The following CCDC148 variants were observed in gnomAD, a reference collection of about 807,000 sequenced individuals.
CCDC148 encodes the protein coiled-coil domain-containing protein 148.
CCDC148 carries 89 observed loss-of-function variants against 85.7 expected under a neutral mutation model. The ratio of observed to expected loss-of-function variants is 1.04; its 90% CI spans 0.87 to 1.24. CCDC148 has a LOEUF of 1.24. Ranked by LOEUF, CCDC148 falls within the 50% of genes most tolerant of loss-of-function variation. CCDC148 has a pLI of 0.00. For synonymous variants in CCDC148, 230 were observed against 213.9 expected (o/e 1.08, Z -0.66); for missense variants, 692 against 671.7 (o/e 1.03, Z -0.33).
At chr2:158,223,439 A>C (rs957155062) in intron 10 of CCDC148, among the ~76,000 whole-genome samples, 1 of 152,194 alleles carries the variant, frequency 6.6e-6, no homozygotes, top group Admixed American at 6.5e-5. Flanking sequence ...CTGCAGACTT[A>C]AATGTCCCTG....
chr2:158,185,950 A>T (rs2105267998), intron 11 of CCDC148, among the ~76,000 whole-genome samples: 1 of 152,154 alleles, frequency 6.6e-6, no homozygotes, highest in East Asian at 1.9e-4. Context: ...TACTTCCTCC[A>T]CTGGAACACT....
intron 1 of CCDC148, among the ~76,000 whole-genome samples, chr2:158,404,557 C>G (rs997224362): frequency 4.6e-5 from 7 of 152,126 alleles, no homozygotes; most frequent in Non-Finnish European, 1.0e-4. Flanking sequence ...TCACTTTTTA[C>G]AAGACTTTAA....
Position 158,278,483 on chromosome 2 carries a change from C to T in CCDC148, c.1111-27571G>A, listed in dbSNP as rs13414044. Among the ~76,000 whole-genome samples, 885 of 152,300 alleles carry T rather than the reference C, an allele frequency of 5.8e-3. 5 individuals carry two copies. Among genetic ancestry groups the T allele is most frequent in the Non-Finnish European group, 9.6e-3 (651 of 68,012 alleles). On this transcript the variant is annotated intron_variant, in intron 9 of 13. Coordinates refer to ENST00000283233, the MANE Select transcript of CCDC148 (RefSeq NM_138803.4). ...CGCACCAGGAGATTATATCCTGCAC[C>T]TGGCTGGGAGGGTCCTTCACCCATG...
At chr2:158,452,486 T>G (rs1182623318) in intron 1 of CCDC148, among the ~76,000 whole-genome samples, 1 of 152,202 alleles carries the variant, frequency 6.6e-6, no homozygotes, top group Non-Finnish European at 1.5e-5. Context: ...CTGCTATTTC[T>G]CAATTGCTTT....
chr2:158,271,662 C>A (rs1459011868), intron 9 of CCDC148, among the ~76,000 whole-genome samples: 2 of 152,252 alleles, frequency 1.3e-5, no homozygotes, highest in Admixed American at 1.3e-4. Context: ...TCTTGTTCAG[C>A]TCTTACTGTG....
chr2:158,225,023 G>A (rs1401509166), intron 10 of CCDC148, among the ~76,000 whole-genome samples: 1 of 152,158 alleles, frequency 6.6e-6, no homozygotes, highest in Admixed American at 6.5e-5. Flanking sequence ...TGGATAAAGA[G>A]TGAAGACCCA....
At chr2:158,252,427 C>G (rs1413889255) in intron 9 of CCDC148, among the ~76,000 whole-genome samples, 1 of 151,620 alleles carries the variant, frequency 6.6e-6, no homozygotes, top group Non-Finnish European at 1.5e-5. Context: ...GCTTTCAAAC[C>G]TTTCCTTTCT....
chr2:158,438,830 C>G (rs952719236), intron 1 of CCDC148, among the ~76,000 whole-genome samples: 3 of 152,184 alleles, frequency 2.0e-5, no homozygotes, highest in African/African-American at 7.2e-5. Flanking sequence ...TGAACAGACA[C>G]TTCTCAAAAG....
At chr2:158,214,016 T>C (rs1686714564) in intron 11 of CCDC148, among the ~76,000 whole-genome samples, 1 of 148,396 alleles carries the variant, frequency 6.7e-6, no homozygotes, top group Admixed American at 6.9e-5. Context: ...AGACTTTGGG[T>C]AAAAATTACC....
intron 11 of CCDC148, among the ~76,000 whole-genome samples, chr2:158,216,854 T>C (rs1462654376): frequency 6.6e-6 from 1 of 152,186 alleles, no homozygotes; most frequent in Non-Finnish European, 1.5e-5. Flanking sequence ...TACTTAACTG[T>C]GTTCCAGGCA....
At chr2:158,183,917 C>A (rs1685028917) in intron 11 of CCDC148, among the ~76,000 whole-genome samples, 1 of 152,132 alleles carries the variant, frequency 6.6e-6, no homozygotes, top group Non-Finnish European at 1.5e-5. Flanking sequence ...GGGACCCCTT[C>A]ATTAACTACA....
chr2:158,214,315 T>C (rs1307757860), intron 11 of CCDC148, among the ~76,000 whole-genome samples: 2 of 152,122 alleles, frequency 1.3e-5, no homozygotes, highest in Non-Finnish European at 2.9e-5. Context: ...TCAATGAAAC[T>C]GAAACTTACC....
At chr2:158,370,708 T>C (rs1684401949) in intron 1 of CCDC148, among the ~76,000 whole-genome samples, 1 of 151,956 alleles carries the variant, frequency 6.6e-6, no homozygotes, top group South Asian at 2.1e-4. Context: ...AGATGTACTA[T>C]TAGAACTAAT....
chr2:158,307,347 T>C (rs886279489), intron 9 of CCDC148, among the ~76,000 whole-genome samples: 12 of 152,084 alleles, frequency 7.9e-5, no homozygotes, highest in African/African-American at 2.4e-4. Context: ...TTATTCTAAG[T>C]GCAAATAAAA....
chr2:158,278,244 C>T (rs1416713227), intron 9 of CCDC148, among the ~76,000 whole-genome samples: 2 of 152,112 alleles, frequency 1.3e-5, no homozygotes, highest in African/African-American at 2.4e-5. Flanking sequence ...GTACCGGGTT[C>T]ATCTCACTAG....
intron 9 of CCDC148, among the ~76,000 whole-genome samples, chr2:158,303,991 A>C (rs1313642520): frequency 1.3e-5 from 2 of 152,160 alleles, no homozygotes; most frequent in African/African-American, 2.4e-5. Context: ...GTGAGACATC[A>C]ACAAAATGTG....
Position 158,338,753 on chromosome 2 carries a change from A to T in CCDC148, c.737T>A (p.Phe246Tyr). The change falls in exon 7 of 14, where the codon TTT becomes TAT. Residue 246 changes from phenylalanine to tyrosine, a missense_variant. By Grantham distance (22) the Phe-to-Tyr change is conservative. Coordinates refer to ENST00000283233, the MANE Select transcript of CCDC148 (RefSeq NM_138803.4). ...GTATATGTCTTCCAACTGCAGATTAAAGTCTTGAAGCTTCTTCTGATATTT... is the reference window on the plus strand; with the variant it reads ...GTATATGTCTTCCAACTGCAGATTATAGTCTTGAAGCTTCTTCTGATATTT... ...TQKYQKKLQD[F>Y]NLQLEDIYRN... is the part of the protein sequence containing the mutation. 1 of 1,608,306 alleles carries T rather than the reference A, an allele frequency of 6.2e-7. No homozygotes were observed. Among genetic ancestry groups the T allele is most frequent in the Non-Finnish European group, 8.5e-7 (1 of 1,178,674 alleles).
chr2:158,391,607 T>C (rs553106590), intron 1 of CCDC148, among the ~76,000 whole-genome samples: 1 of 152,280 alleles, frequency 6.6e-6, no homozygotes, highest in South Asian at 2.1e-4. Context: ...GATCCCTCTA[T>C]TAGGAACCCA....
intron 1 of CCDC148, among the ~76,000 whole-genome samples, chr2:158,395,326 C>T (rs1370117525): frequency 6.6e-6 from 1 of 152,048 alleles, no homozygotes; most frequent in Non-Finnish European, 1.5e-5. Flanking sequence ...ATCAATGACA[C>T]ATATTTCTGA....
Sources: allele counts gnomAD v4.1 joint callset (sites outside exome capture counted in the v4.1 genomes callset), GRCh38; gene constraint gnomAD v4.1.1; transcripts MANE v1.5; gene names NCBI Gene and HGNC (gene_info 2026-07-23, HGNC 2026-07-21).